Variants in CSMD1 observed in about 807,000 individuals in gnomAD.
The protein encoded by CSMD1 is CUB and sushi domain-containing protein 1.
Under a neutral mutation model 417.5 loss-of-function variants are expected in CSMD1, and 213 were observed. That is an observed-to-expected ratio of 0.51 (90% CI 0.46 to 0.57). The LOEUF (loss-of-function observed/expected upper bound fraction) is 0.57, where lower values mean the gene tolerates loss of function less well. CSMD1 is among the 20% of genes least tolerant of loss of function. The pLI, the probability that CSMD1 is intolerant of heterozygous loss-of-function variation, is 0.00. For missense variants in CSMD1, 6,923 were observed against 4,529.7 expected, an observed-to-expected ratio of 1.53 and a Z score of -15.17; for synonymous variants, 2,862 against 1,736.8, an observed-to-expected ratio of 1.65 and a Z score of -16.11.
intron 3 of CSMD1, among the ~76,000 whole-genome samples, chr8:4,169,580 C>A (rs1049033900): frequency 6.6e-6 from 1 of 152,110 alleles, no homozygotes; most frequent in Non-Finnish European, 1.5e-5. Flanking sequence ...CTCTTCTCAA[C>A]ACAGGCATTA....
In CSMD1 at chr8:4,531,791, G is replaced by C. The variant is rs186559580; in HGVS notation, c.302+105551C>G. ...TGGTGCTTTTTAGTATATGTGCAGAGTTTTACAGCCACCATCATAATCCCT... is the reference window on the plus strand; with the variant it reads ...TGGTGCTTTTTAGTATATGTGCAGACTTTTACAGCCACCATCATAATCCCT... On this transcript the variant is annotated intron_variant, in intron 2 of 69. Coordinates refer to ENST00000635120, the MANE Select transcript of CSMD1 (RefSeq NM_033225.6). Among the ~76,000 whole-genome samples the C allele has an allele frequency of 2.0e-3, 306 of 152,272 alleles. 1 individual carries two copies. Among genetic ancestry groups the C allele is most frequent in the African/African-American group, 7.1e-3 (294 of 41,550 alleles).
At chr8:4,406,226 C>A (rs561954520) in intron 3 of CSMD1, among the ~76,000 whole-genome samples, 2 of 152,104 alleles carry the variant, frequency 1.3e-5, no homozygotes, top group East Asian at 3.9e-4. Flanking sequence ...GCTCCAAAGT[C>A]CCCCCAAATG....
chr8:4,416,077 G>A (rs898866056), intron 3 of CSMD1, among the ~76,000 whole-genome samples: 3 of 152,134 alleles, frequency 2.0e-5, no homozygotes, highest in African/African-American at 4.8e-5. Context: ...CATGAATAAA[G>A]TCTTTGCCAA....
At chr8:3,639,260 T>C (rs1797191439) in intron 7 of CSMD1, among the ~76,000 whole-genome samples, 1 of 152,182 alleles carries the variant, frequency 6.6e-6, no homozygotes, top group Non-Finnish European at 1.5e-5. Flanking sequence ...TTCTATGAAA[T>C]AGGTTGCTAT....
At chr8:3,094,992 T>C (rs1815198868) in intron 47 of CSMD1, among the ~76,000 whole-genome samples, 1 of 152,162 alleles carries the variant, frequency 6.6e-6, no homozygotes, top group Admixed American at 6.5e-5. Flanking sequence ...AGTATTATGC[T>C]ATTGTCTCTA....
chr8:4,988,840 G>C (rs562221590), intron 1 of CSMD1, among the ~76,000 whole-genome samples: 1 of 152,310 alleles, frequency 6.6e-6, no homozygotes, highest in East Asian at 1.9e-4. Context: ...AAAAAACAAG[G>C]TGTGCATTAT....
At chr8:4,934,354 T>C (rs149556297) in intron 1 of CSMD1, among the ~76,000 whole-genome samples, 2 of 152,322 alleles carry the variant, frequency 1.3e-5, no homozygotes, top group African/African-American at 4.8e-5. Flanking sequence ...TCAAAATTAT[T>C]TGTATAGATA....
chr8:4,709,238 T>C (rs142159054), intron 1 of CSMD1, among the ~76,000 whole-genome samples: 1 of 152,268 alleles, frequency 6.6e-6, no homozygotes, highest in East Asian at 1.9e-4. Context: ...GCTACTCTTG[T>C]AGACTGGTGT....
rs577562620 is a variant in CSMD1 at position 2,945,795 on chromosome 8, TGTTGCTG to T, written c.10403-3198_10403-3192del. On this transcript the variant is annotated intron_variant, in intron 68 of 69. Transcript: ENST00000635120. ...GTTCCTTGGCTGTTGCAACCACAAC[TGTTGCTG>T]CCACTACTACAATGATAAATCAAAC... Among the ~76,000 whole-genome samples, 289 of 152,302 alleles carry T rather than the reference TGTTGCTG, an allele frequency of 1.9e-3. 3 individuals carry two copies. The highest frequency in any genetic ancestry group is 6.4e-3 in the African/African-American group (267 of 41,570).
At chr8:4,556,987 T>C (rs1483955932) in intron 2 of CSMD1, among the ~76,000 whole-genome samples, 1 of 152,244 alleles carries the variant, frequency 6.6e-6, no homozygotes, top group East Asian at 1.9e-4. Flanking sequence ...CTAATGTGCA[T>C]TCTGAATTTC....
rs191905171 is a variant in CSMD1 at position 3,490,334 on chromosome 8, T to C, written c.1448+3289A>G. ...ACTTCTGTCAATGTAATACATAGTTTGCAATTGCTTTCTTAACAACAAATA... is the reference window on the plus strand; with the variant it reads ...ACTTCTGTCAATGTAATACATAGTTCGCAATTGCTTTCTTAACAACAAATA... On this transcript the variant is annotated intron_variant, in intron 11 of 69. Transcript: ENST00000635120. Among the ~76,000 whole-genome samples the C allele has an allele frequency of 1.1e-4, 17 of 152,352 alleles. 1 individual carries two copies. In the East Asian group the frequency reaches 2.7e-3, roughly 24 times the overall value.
chr8:3,028,086 T>G (rs667148), intron 51 of CSMD1, among the ~76,000 whole-genome samples: 8,306 of 152,280 alleles, frequency 0.055, 752 homozygotes, highest in African/African-American at 0.19. Flanking sequence ...AAGAAAACGC[T>G]GTACTGCGCT....
In CSMD1 at chr8:4,571,110, G is replaced by A. The variant is rs189378086; in HGVS notation, c.302+66232C>T. Among the ~76,000 whole-genome samples, 323 of 152,046 alleles carry A rather than the reference G, an allele frequency of 2.1e-3. 3 individuals carry two copies. Among genetic ancestry groups the A allele is most frequent in the Admixed American group, 0.019 (291 of 15,258 alleles). On this transcript the variant is annotated intron_variant, in intron 2 of 69. Transcript: ENST00000635120. ...GAATATCAGCTCCTGGATTCACTGAGGTTTTGAAGGGATTTTCATGTCTCT... is the reference window on the plus strand; with the variant it reads ...GAATATCAGCTCCTGGATTCACTGAAGTTTTGAAGGGATTTTCATGTCTCT...
Position 3,387,523 on chromosome 8 carries a change from T to A in CSMD1, c.2753A>T (p.Gln918Leu). The A allele has an allele frequency of 6.2e-7, 1 of 1,602,312 alleles. No homozygotes were observed. Among genetic ancestry groups the A allele is most frequent in the East Asian group, 2.3e-5 (1 of 44,370 alleles). ...GCAGCTGGGCAAGGCGTGGTTCCACTGGTGGTTCCTCTCACAGACGAGGGG... is the reference window on the plus strand; with the variant it reads ...GCAGCTGGGCAAGGCGTGGTTCCACAGGTGGTTCCTCTCACAGACGAGGGG... ...DEPLVCERNH[Q>L]WNHALPSCDA... Residue 918 changes from glutamine to leucine, a missense_variant, in exon 18 of 70, where the codon CAG (glutamine) becomes CTG (leucine). Gln to Leu is a moderately radical substitution (Grantham distance 113). Coordinates refer to ENST00000635120, the MANE Select transcript of CSMD1 (RefSeq NM_033225.6).
At chr8:3,708,384 A>C in intron 7 of CSMD1, 30 bp downstream of exon 7, 1 of 1,593,874 alleles carries the variant, frequency 6.3e-7, no homozygotes, top group Non-Finnish European at 8.6e-7. Flanking sequence ...AGGGCGTATC[A>C]ATCCTCAGAT....
chr8:4,182,041 T>TGTGTGG (rs1798409237), intron 3 of CSMD1, among the ~76,000 whole-genome samples: 1 of 61,024 alleles, frequency 1.6e-5, no homozygotes, highest in African/African-American at 4.2e-5. Context: ...TGTGTGTGTG[T>TGTGTGG]GTCGGTGTGT....
At chr8:3,893,403 G>C (rs1386956975) in intron 5 of CSMD1, among the ~76,000 whole-genome samples, 1 of 132,208 alleles carries the variant, frequency 7.6e-6, no homozygotes, top group African/African-American at 2.6e-5. Context: ...GTATGACCTT[G>C]AAGCTTAACA....
intron 1 of CSMD1, among the ~76,000 whole-genome samples, chr8:4,950,863 T>C (rs551160815): frequency 2.6e-5 from 4 of 152,202 alleles, no homozygotes; most frequent in South Asian, 4.1e-4. Context: ...TACCCTACCT[T>C]GGCTTAAGAA....
chr8:4,612,900 A>C (rs548261345), intron 2 of CSMD1, among the ~76,000 whole-genome samples: 8 of 152,346 alleles, frequency 5.3e-5, no homozygotes, highest in Admixed American at 1.3e-4. Flanking sequence ...GCTTTCCTGA[A>C]CATGATAGGC....
Sources: allele counts gnomAD v4.1 joint callset (sites outside exome capture counted in the v4.1 genomes callset), GRCh38; gene constraint gnomAD v4.1.1; transcripts MANE v1.5; gene names NCBI Gene and HGNC (gene_info 2026-07-23, HGNC 2026-07-21).